The following FHIT variants were observed in gnomAD, a reference collection of about 807,000 sequenced individuals.
FHIT encodes the protein fragile histidine triad diadenosine triphosphatase.
In FHIT, 19 loss-of-function variants were observed where a neutral mutation model predicts 17.9. The observed-to-expected ratio is 1.06, with a 90% confidence interval of 0.74 to 1.56. FHIT has a LOEUF of 1.56. Among genes scored for constraint, FHIT ranks in the 40% most tolerant of loss-of-function variants. The probability of loss-of-function intolerance (pLI) is 0.00; values close to 1 mark genes in which losing one functional copy is unlikely to be tolerated. For synonymous variants in FHIT, 81 were observed against 69.7 expected (o/e 1.16, Z -0.81); for missense variants, 248 against 189.2 (o/e 1.31, Z -1.82).
intron 4 of FHIT, among the ~76,000 whole-genome samples, chr3:60,806,035 A>T (rs1701373017): frequency 1.3e-5 from 2 of 152,234 alleles, no homozygotes; most frequent in Admixed American, 6.5e-5. Context: ...GAGGAACTTA[A>T]CCATAGGAAG....
intron 5 of FHIT, among the ~76,000 whole-genome samples, chr3:60,058,752 G>GA (rs2106916281): frequency 6.6e-6 from 1 of 152,278 alleles, no homozygotes; most frequent in South Asian, 2.1e-4. Flanking sequence ...TGTTAAGAAA[G>GA]ATTATGAGGA....
At position 60,395,346 on chromosome 3, in the gene FHIT, T is replaced by C. The variant is rs555819873; in HGVS notation, c.103+141514A>G. ...CATTAAGCCATGATTATCTCCCCAT[T>C]TTATAGATGCAGACACTGAGGATTA... On this transcript the variant is annotated intron_variant, in intron 5 of 9. Transcript: ENST00000492590. Among the ~76,000 whole-genome samples the C allele has an allele frequency of 3.3e-5, 5 of 152,292 alleles. No homozygotes were observed. The East Asian group carries it at 9.6e-4, about 29-fold the overall frequency.
At chr3:61,086,485 C>T (rs2035310438) in intron 2 of FHIT, among the ~76,000 whole-genome samples, 1 of 152,080 alleles carries the variant, frequency 6.6e-6, no homozygotes, top group South Asian at 2.1e-4. Flanking sequence ...TTCTTGAGAC[C>T]TCCAAAATCT....
At chr3:60,014,240 G>T in intron 5 of FHIT, 88 bp from the exon 6 acceptor site, 2 of 1,332,226 alleles carry the variant, frequency 1.5e-6, no homozygotes, top group Admixed American at 2.0e-5. Flanking sequence ...GAATCCTCTC[G>T]GACCAGGGCC....
chr3:60,656,811 A>G (rs1291949279), intron 4 of FHIT, among the ~76,000 whole-genome samples: 1 of 152,216 alleles, frequency 6.6e-6, no homozygotes, highest in Non-Finnish European at 1.5e-5. Context: ...CTAGTCAACA[A>G]GAGAAAATTG....
chr3:60,029,734 G>A (rs77877254), intron 5 of FHIT, among the ~76,000 whole-genome samples: 3,851 of 152,216 alleles, frequency 0.025, 172 homozygotes, highest in African/African-American at 0.088. Flanking sequence ...GCCAGGTGAA[G>A]GAAGACAAAG....
intron 4 of FHIT, among the ~76,000 whole-genome samples, chr3:60,752,233 A>G (rs782162214): frequency 7.9e-5 from 12 of 152,226 alleles, no homozygotes; most frequent in Non-Finnish European, 1.2e-4. Context: ...GGGGGAACAC[A>G]TGGAGAGGAA....
chr3:60,696,193 A>G (rs2041110409), intron 4 of FHIT, among the ~76,000 whole-genome samples: 1 of 152,198 alleles, frequency 6.6e-6, no homozygotes, highest in African/African-American at 2.4e-5. Flanking sequence ...AAAATATATC[A>G]GTACAGGTCT....
intron 8 of FHIT, among the ~76,000 whole-genome samples, chr3:59,856,423 T>C (rs1239097929): frequency 6.6e-6 from 1 of 152,156 alleles, no homozygotes; most frequent in Non-Finnish European, 1.5e-5. Context: ...CTCTTCCATA[T>C]GATAGAAAAA....
At chr3:60,013,924 C>T (rs1202326635) in intron 6 of FHIT, 83 bp downstream of exon 6, 4 of 1,397,352 alleles carry the variant, frequency 2.9e-6, no homozygotes, top group Non-Finnish European at 3.0e-6. Flanking sequence ...ATCTGCCCTC[C>T]TGGTAAGATA....
intron 4 of FHIT, among the ~76,000 whole-genome samples, chr3:60,589,463 A>G (rs1486606148): frequency 1.3e-5 from 2 of 152,076 alleles, no homozygotes; most frequent in East Asian, 1.9e-4. Context: ...ATACACATTT[A>G]CATCGTTCTT....
chr3:60,921,287 G>A (rs1553768290), intron 3 of FHIT, among the ~76,000 whole-genome samples: 2 of 152,124 alleles, frequency 1.3e-5, no homozygotes, highest in African/African-American at 4.8e-5. Flanking sequence ...ACTATATGCT[G>A]GTATTGTATA....
At chr3:59,919,209 G>A (rs1273171426) in intron 8 of FHIT, among the ~76,000 whole-genome samples, 3 of 152,154 alleles carry the variant, frequency 2.0e-5, no homozygotes, top group Non-Finnish European at 4.4e-5. Context: ...CTGACCAAAT[G>A]TAGATATCCT....
At chr3:60,444,494 C>T (rs1279796136) in intron 5 of FHIT, among the ~76,000 whole-genome samples, 1 of 152,082 alleles carries the variant, frequency 6.6e-6, no homozygotes, top group East Asian at 1.9e-4. Context: ...CATATATATA[C>T]CATGGAATAC....
chr3:59,962,420 T>C (rs1184049289), intron 7 of FHIT, among the ~76,000 whole-genome samples: 2 of 152,218 alleles, frequency 1.3e-5, no homozygotes, highest in Non-Finnish European at 2.9e-5. Context: ...CTTTCCAGAA[T>C]CACCTTAAAT....
At chr3:60,099,290 G>C (rs1353024045) in intron 5 of FHIT, among the ~76,000 whole-genome samples, 2 of 152,156 alleles carry the variant, frequency 1.3e-5, no homozygotes, top group African/African-American at 4.8e-5. Context: ...TTCACAAATG[G>C]AATGGGATGG....
intron 5 of FHIT, among the ~76,000 whole-genome samples, chr3:60,130,997 A>T: frequency 7.2e-6 from 1 of 138,938 alleles, no homozygotes; most frequent in African/African-American, 2.7e-5. Context: ...ATATACACAT[A>T]TATACATATG....
Position 60,001,273 on chromosome 3 carries a change from C to G in FHIT, c.279+10098G>C, listed in dbSNP as rs768884572. On this transcript the variant is annotated intron_variant, in intron 7 of 9. Transcript: ENST00000492590. Reference sequence around the variant, plus strand: ...GCACATAGTAGGCACTCAATAAACACTTATTGGAGTAATATGTTAATATTA... The same window carrying G: ...GCACATAGTAGGCACTCAATAAACAGTTATTGGAGTAATATGTTAATATTA... Among the ~76,000 whole-genome samples, 31 of 152,174 alleles carry G rather than the reference C, an allele frequency of 2.0e-4. 1 individual carries two copies. The highest frequency in any genetic ancestry group is 4.4e-5 in the Non-Finnish European group (3 of 68,024).
At chr3:60,285,297 G>T (rs936243740) in intron 5 of FHIT, among the ~76,000 whole-genome samples, 2 of 152,038 alleles carry the variant, frequency 1.3e-5, no homozygotes, top group Admixed American at 6.6e-5. Flanking sequence ...TGTTTTGAGA[G>T]GTGAATTAAC....
Sources: allele counts gnomAD v4.1 joint callset (sites outside exome capture counted in the v4.1 genomes callset), GRCh38; gene constraint gnomAD v4.1.1; transcripts MANE v1.5; gene names NCBI Gene and HGNC (gene_info 2026-07-23, HGNC 2026-07-21).